The following PTPRD variants were observed in gnomAD, a reference collection of about 807,000 sequenced individuals.
PTPRD encodes receptor-type tyrosine-protein phosphatase delta.
In PTPRD, 34 loss-of-function variants were observed where a neutral mutation model predicts 214.5. That is an observed-to-expected ratio of 0.16 (90% CI 0.12 to 0.21). The LOEUF is 0.21. Among genes scored for constraint, PTPRD ranks in the 10% least tolerant of loss-of-function variants. The pLI is 1.00. For missense variants in PTPRD, 2,545 were observed against 2,398.7 expected, an observed-to-expected ratio of 1.06 and a Z score of -1.27; for synonymous variants, 1,128 against 845.7, an observed-to-expected ratio of 1.33 and a Z score of -5.79.
chr9:10,224,110 G>C (rs1199728872), intron 3 of PTPRD, among the ~76,000 whole-genome samples: 1 of 151,842 alleles, frequency 6.6e-6, no homozygotes, highest in Non-Finnish European at 1.5e-5. Flanking sequence ...TGCCTCTTGA[G>C]AATAATAACA....
intron 2 of PTPRD, among the ~76,000 whole-genome samples, chr9:10,405,361 A>G (rs10756034): frequency 0.78 from 117,584 of 151,488 alleles, 46,451 homozygotes; most frequent in East Asian, 0.88. Context: ...ATTTTTACTT[A>G]TATTTTCTAC....
At chr9:9,504,832 A>G (rs1166170872) in intron 8 of PTPRD, among the ~76,000 whole-genome samples, 1 of 151,718 alleles carries the variant, frequency 6.6e-6, no homozygotes, top group Non-Finnish European at 1.5e-5. Flanking sequence ...ATATGCAAAA[A>G]TCAGTTATAT....
chr9:9,310,208 G>C (rs1958504575), intron 9 of PTPRD, among the ~76,000 whole-genome samples: 3 of 152,160 alleles, frequency 2.0e-5, no homozygotes, highest in Admixed American at 2.0e-4. Flanking sequence ...GGAGAGGAAA[G>C]TAGGAGGACA....
intron 2 of PTPRD, among the ~76,000 whole-genome samples, chr9:10,547,719 G>C (rs977410121): frequency 3.3e-5 from 5 of 151,786 alleles, no homozygotes; most frequent in Non-Finnish European, 5.9e-5. Flanking sequence ...ATATATAAGT[G>C]TACATATAGC....
chr9:8,956,868 C>T (rs1491002629), intron 11 of PTPRD, among the ~76,000 whole-genome samples: 2 of 151,814 alleles, frequency 1.3e-5, no homozygotes, highest in East Asian at 1.9e-4. Flanking sequence ...ATCACCCAGG[C>T]CCCACTCAAG....
chr9:8,592,781 T>A (rs931075683), intron 14 of PTPRD, among the ~76,000 whole-genome samples: 13 of 152,208 alleles, frequency 8.5e-5, no homozygotes, highest in African/African-American at 2.9e-4. Context: ...ATAATTGTAA[T>A]ATAACATGCT....
At chr9:10,582,225 GCATGAGC>G (rs2072141236) in intron 2 of PTPRD, among the ~76,000 whole-genome samples, 1 of 152,130 alleles carries the variant, frequency 6.6e-6, no homozygotes, top group Non-Finnish European at 1.5e-5. Flanking sequence ...ACAAGAAGCA[GCATGAGC>G]CATTATCAGT....
chr9:10,561,856 G>C (rs2064063037), intron 2 of PTPRD, among the ~76,000 whole-genome samples: 2 of 151,982 alleles, frequency 1.3e-5, no homozygotes, highest in Non-Finnish European at 2.9e-5. Context: ...TTATACTATA[G>C]CATATCCCAC....
At chr9:9,943,455 G>C (rs931914744) in intron 4 of PTPRD, among the ~76,000 whole-genome samples, 4 of 152,138 alleles carry the variant, frequency 2.6e-5, no homozygotes, top group Non-Finnish European at 5.9e-5. Context: ...GAAATACTAT[G>C]TGTAGTGTTC....
chr9:8,508,891 CTGTG>C (rs59265464), intron 21 of PTPRD, among the ~76,000 whole-genome samples: 4,725 of 140,460 alleles, frequency 0.034, 91 homozygotes, highest in East Asian at 0.048. Flanking sequence ...GTGTGTGTGT[CTGTG>C]TGTGTGTGTG....
chr9:8,865,018 G>A (rs986990563), intron 11 of PTPRD, among the ~76,000 whole-genome samples: 2 of 152,094 alleles, frequency 1.3e-5, no homozygotes, highest in Non-Finnish European at 2.9e-5. Context: ...AAAATTTTGG[G>A]CCAGGTATCT....
At chr9:10,214,734 G>C (rs1018868307) in intron 3 of PTPRD, among the ~76,000 whole-genome samples, 3 of 152,084 alleles carry the variant, frequency 2.0e-5, no homozygotes, top group Admixed American at 2.0e-4. Context: ...AGAGATGCCA[G>C]AATGCAAAAT....
At chr9:8,510,230 T>C (rs977955852) in intron 21 of PTPRD, among the ~76,000 whole-genome samples, 3 of 152,086 alleles carry the variant, frequency 2.0e-5, no homozygotes, top group African/African-American at 7.2e-5. Context: ...AGCGTGAGGC[T>C]ACAGTGAACG....
chr9:10,222,155 G>A (rs990057975), intron 3 of PTPRD, among the ~76,000 whole-genome samples: 2 of 152,000 alleles, frequency 1.3e-5, no homozygotes, highest in Non-Finnish European at 2.9e-5. Context: ...TTGAATAGAT[G>A]AAAATATATT....
intron 7 of PTPRD, among the ~76,000 whole-genome samples, chr9:9,660,709 T>C (rs1031030963): frequency 6.6e-6 from 1 of 152,014 alleles, no homozygotes; most frequent in African/African-American, 2.4e-5. Flanking sequence ...AGTTCAGATA[T>C]GCATATATAA....
intron 8 of PTPRD, among the ~76,000 whole-genome samples, chr9:9,460,488 G>A (rs1332559393): frequency 6.6e-6 from 1 of 151,540 alleles, no homozygotes; most frequent in Admixed American, 6.6e-5. Context: ...ATCAACATTA[G>A]AAAAAAACAA....
intron 11 of PTPRD, among the ~76,000 whole-genome samples, chr9:8,802,529 T>A (rs777954138): frequency 6.6e-6 from 1 of 152,200 alleles, no homozygotes; most frequent in East Asian, 1.9e-4. Context: ...AGCCTGTGCC[T>A]AAGGGAAATC....
chr9:9,534,914 C>T (rs1041073322), intron 8 of PTPRD, among the ~76,000 whole-genome samples: 19 of 151,968 alleles, frequency 1.3e-4, no homozygotes, highest in Non-Finnish European at 2.6e-4. Flanking sequence ...TGCGTATCTG[C>T]TGTGTGCTTA....
chr9:9,034,256 A>G (rs956087258), intron 10 of PTPRD, among the ~76,000 whole-genome samples: 1 of 152,136 alleles, frequency 6.6e-6, no homozygotes, highest in Non-Finnish European at 1.5e-5. Context: ...TTAGGAATCC[A>G]TATACAGCGT....
Sources: gnomAD v4.1 joint callset for allele counts (sites outside exome capture counted in the v4.1 genomes callset) on GRCh38, gnomAD v4.1.1 for gene constraint, MANE v1.5 for transcripts, NCBI Gene and HGNC (gene_info 2026-07-23, HGNC 2026-07-21) for gene names.